Variants in JPH1 observed in about 807,000 individuals in gnomAD.
JPH1 encodes junctophilin-1.
Under a neutral mutation model 53.6 loss-of-function variants are expected in JPH1, and 12 were observed. The ratio of observed to expected loss-of-function variants is 0.22; its 90% confidence interval spans 0.14 to 0.36. The LOEUF (loss-of-function observed/expected upper bound fraction) is 0.36, where lower values mean the gene tolerates loss of function less well. JPH1 is among the 10% of genes least tolerant of loss of function. The pLI, the probability that JPH1 is intolerant of heterozygous loss-of-function variation, is 1.00. For missense variants in JPH1, 808 were observed against 905.5 expected (o/e 0.89, Z 1.38); for synonymous variants, 375 against 363.8 (o/e 1.03, Z -0.35).
In JPH1 at chr8:74,320,287, G is replaced by C. The variant is rs1808276544; in HGVS notation, c.379+622C>G. Among the ~76,000 whole-genome samples, 1 of 152,134 alleles carries C rather than the reference G, an allele frequency of 6.6e-6. No homozygotes were observed. Among genetic ancestry groups the C allele is most frequent in the African/African-American group, 2.4e-5 (1 of 41,434 alleles). ...AACTCACACACTCTGAACTCCACCT[G>C]CATCAGGTGGCCTTTCTGCTCCCAT... On this transcript the variant is annotated intron_variant, in intron 1 of 5. Transcript: ENST00000342232. The surrounding 1 kb of genome is among the most constrained non-coding windows in gnomAD (Gnocchi z 4.4).
chr8:74,315,183 C>T lies in JPH1; in HGVS notation c.817G>A (p.Val273Met). Residue 273 changes from valine (V) to methionine (M), a missense_variant, in exon 2 of 6, where the codon GTG becomes ATG. By Grantham distance (21) the Val-to-Met change is conservative. Transcript: ENST00000342232. The surrounding 1 kb of genome is among the most constrained non-coding windows in gnomAD (Gnocchi z 6.3). ...TAGGTTTCCGTGGTGGTGGCGTCCA[C>T]GTGGTCTTCCACCGGGCAAAAATCA... ...DCDFCPVEDHVDATTTETYMG... is the reference protein window; with the variant it reads ...DCDFCPVEDHMDATTTETYMG... 11 of 1,614,234 alleles carry T rather than the reference C, an allele frequency of 6.8e-6. No homozygotes were observed. The highest frequency in any genetic ancestry group is 1.3e-5 in the African/African-American group (1 of 75,070).
rs547466991 is a variant in JPH1, at chr8:74,259,473, G to A, written c.1170C>T (p.Ala390=). The A allele has an allele frequency of 2.4e-5, 38 of 1,612,212 alleles. No individual in the cohort carries two copies. In the East Asian group the frequency reaches 4.7e-4, roughly 20 times the overall value. The change falls in exon 3 of 6, where the codon GCC becomes GCT. Residue 390 remains alanine, a synonymous_variant. Transcript: ENST00000342232. ...GAGCGGCCAGCGCGGCCTGGTCGGCGGCATCGGCCTTCGCTCTGGCATGTG... is the reference window on the plus strand; with the variant it reads ...GAGCGGCCAGCGCGGCCTGGTCGGCAGCATCGGCCTTCGCTCTGGCATGTG... ...RTAHARAKAD[A]ADQAALAARQ... is the part of the protein sequence containing the mutation.
At chr8:74,247,185 T>C (rs555028793) in intron 3 of JPH1, among the ~76,000 whole-genome samples, 24 of 152,356 alleles carry the variant, frequency 1.6e-4, no homozygotes, top group African/African-American at 5.8e-4. Context: ...CCTCTTCTTC[T>C]GTGATAAAGT....
Position 74,321,352 on chromosome 8 carries a change from G to A in JPH1, c.-65C>T. On this transcript the variant is annotated 5_prime_UTR_variant, in exon 1 of 6. Coordinates refer to ENST00000342232, the MANE Select transcript of JPH1 (RefSeq NM_020647.4). The surrounding 1 kb of genome is among the most constrained non-coding windows in gnomAD (Gnocchi z 4.3). ...ACGCGGGCAGTGCTGGGCACGGCAG[G>A]GTGTAGCTCGGGGGTGGGGGCCCGG... The A allele has an allele frequency of 1.4e-6, 2 of 1,403,256 alleles. No individual in the cohort carries two copies. The highest frequency in any genetic ancestry group is 1.6e-5 in the South Asian group (1 of 63,872). The allele number at this position is 1,403,256 out of a possible 1,614,324, so 86.9% of individuals were successfully genotyped here.
intron 2 of JPH1, among the ~76,000 whole-genome samples, chr8:74,309,978 G>C (rs1402311467): frequency 6.6e-6 from 1 of 152,144 alleles, no homozygotes; most frequent in Non-Finnish European, 1.5e-5. Context: ...TAAGTTATAA[G>C]GCTCTAGTTA....
intron 2 of JPH1, among the ~76,000 whole-genome samples, chr8:74,275,523 C>T (rs77533608): frequency 1.3e-5 from 2 of 152,146 alleles, no homozygotes; most frequent in African/African-American, 4.8e-5. Flanking sequence ...AGAAAATTAC[C>T]TAAGGTCTTC....
intron 2 of JPH1, among the ~76,000 whole-genome samples, chr8:74,265,489 T>C (rs1311756774): frequency 1.3e-5 from 2 of 152,204 alleles, no homozygotes; most frequent in South Asian, 2.1e-4. Flanking sequence ...CATTGTGCTT[T>C]ATAAAACTTA....
intron 2 of JPH1, among the ~76,000 whole-genome samples, chr8:74,311,924 T>G (rs1158781920): frequency 6.6e-6 from 1 of 152,138 alleles, no homozygotes; most frequent in Non-Finnish European, 1.5e-5. Flanking sequence ...CTATCATTGT[T>G]GGGCATTTGG....
At chr8:74,319,359 T>G (rs1378676292) in intron 1 of JPH1, among the ~76,000 whole-genome samples, 5 of 152,318 alleles carry the variant, frequency 3.3e-5, no homozygotes, top group African/African-American at 1.2e-4. Context: ...TGGAATTTAG[T>G]TATATAGTAG....
chr8:74,313,951 T>G (rs1403016098), intron 2 of JPH1, among the ~76,000 whole-genome samples: 1 of 152,220 alleles, frequency 6.6e-6, no homozygotes, highest in African/African-American at 2.4e-5. Flanking sequence ...AATAGATTTT[T>G]CCATCCCTCT....
chr8:74,304,861 C>T (rs1389817886), intron 2 of JPH1, among the ~76,000 whole-genome samples: 4 of 152,060 alleles, frequency 2.6e-5, no homozygotes, highest in Non-Finnish European at 5.9e-5. Flanking sequence ...TTCTTTTGGC[C>T]CACATGGAAG....
intron 2 of JPH1, among the ~76,000 whole-genome samples, chr8:74,297,059 C>T (rs1031906706): frequency 2.0e-5 from 3 of 151,974 alleles, no homozygotes; most frequent in African/African-American, 7.3e-5. Context: ...TTTATCTTTA[C>T]ATATTTTCAT....
rs199786192 is a variant in JPH1, at chr8:74,314,915, C to T, written c.1085G>A (p.Gly362Asp). ...TREKVDRAIE[G>D]AQRAAAMART... ...GGCCATGGCAGCTGCCCTTTGGGCGCCTTCAATTGCTCTGTCCACCTTCTC... is the reference window on the plus strand; with the variant it reads ...GGCCATGGCAGCTGCCCTTTGGGCGTCTTCAATTGCTCTGTCCACCTTCTC... Residue 362 changes from glycine (G) to aspartate (D), a missense_variant, in exon 2 of 6, where the codon GGC becomes GAC. This residue lies in a region of JPH1 where 756 missense variants were observed against 811.9 expected (regional missense o/e 0.93). Transcript: ENST00000342232. The T allele has an allele frequency of 6.2e-7, 1 of 1,614,198 alleles. No homozygotes were observed. The highest frequency in any genetic ancestry group is 2.2e-5 in the East Asian group (1 of 44,884).
At chr8:74,271,819 C>A (rs547996700) in intron 2 of JPH1, among the ~76,000 whole-genome samples, 1 of 152,138 alleles carries the variant, frequency 6.6e-6, no homozygotes, top group Non-Finnish European at 1.5e-5. Context: ...GCTGTCAGGG[C>A]AAGGAGGGGC....
chr8:74,266,814 C>T (rs1806545974), intron 2 of JPH1, among the ~76,000 whole-genome samples: 1 of 152,162 alleles, frequency 6.6e-6, no homozygotes, highest in South Asian at 2.1e-4. Flanking sequence ...TGAGAAGTAG[C>T]TGCATGCAAC....
chr8:74,289,422 C>T (rs1383830718), intron 2 of JPH1, among the ~76,000 whole-genome samples: 1 of 152,164 alleles, frequency 6.6e-6, no homozygotes, highest in Non-Finnish European at 1.5e-5. Flanking sequence ...TAAGCAGAGA[C>T]AATTCTAAAG....
intron 3 of JPH1, among the ~76,000 whole-genome samples, chr8:74,246,655 A>C (rs1056722485): frequency 3.9e-5 from 6 of 152,328 alleles, no homozygotes; most frequent in African/African-American, 1.4e-4. Flanking sequence ...ATAATGCAAC[A>C]CATAATATTT....
At chr8:74,263,386 C>CTAATTGATT (rs1385033185) in intron 2 of JPH1, among the ~76,000 whole-genome samples, 1 of 152,140 alleles carries the variant, frequency 6.6e-6, no homozygotes, top group Non-Finnish European at 1.5e-5. Context: ...AGGCGATAAC[C>CTAATTGATT]TAATTGATTC....
Position 74,236,612 on chromosome 8 carries a change from A to G in JPH1, c.*439T>C, listed in dbSNP as rs550723552. 1 of 152,364 alleles carries G rather than the reference A, an allele frequency of 6.6e-6. No individual in the cohort carries two copies. Among genetic ancestry groups the G allele is most frequent in the East Asian group, 1.9e-4 (1 of 5,154 alleles). The allele number at this position is 152,364 out of a possible 1,614,324, so 9.4% of individuals were successfully genotyped here. On this transcript the variant is annotated 3_prime_UTR_variant, in exon 6 of 6. Coordinates refer to ENST00000342232, the MANE Select transcript of JPH1 (RefSeq NM_020647.4). ...GCAGTCGTTTCCCCAGCTCCCTACT[A>G]AAAACGTCAGATGGTAAAATAGTAA...
Sources: gnomAD v4.1 joint callset for allele counts (sites outside exome capture counted in the v4.1 genomes callset) on GRCh38, gnomAD v4.1.1 for gene constraint, gnomAD v4.1.1 regional missense constraint, Gnocchi (gnomAD v3.1) non-coding constraint, MANE v1.5 for transcripts, NCBI Gene and HGNC (gene_info 2026-07-23, HGNC 2026-07-21) for gene names.